The following RAB38 variants were observed in gnomAD, a reference collection of about 807,000 sequenced individuals.
The protein encoded by RAB38 is ras-related protein Rab-38.
A neutral mutation model predicts 18.4 loss-of-function variants in RAB38; 15 were observed. The ratio of observed to expected loss-of-function variants is 0.82; its 90% CI spans 0.55 to 1.26. The LOEUF (loss-of-function observed/expected upper bound fraction) is 1.26. Ranked by LOEUF, RAB38 falls within the 50% of genes most tolerant of loss-of-function variation. The pLI is 0.00. For synonymous variants in RAB38, 101 were observed against 104.4 expected, an observed-to-expected ratio of 0.97 and a Z score of 0.20; for missense variants, 294 against 267.4, an observed-to-expected ratio of 1.10 and a Z score of -0.69.
chr11:87,935,377 T>C, the RAB38 span, among the ~76,000 whole-genome samples: 1 of 152,088 alleles, frequency 6.6e-6, no homozygotes, highest in Non-Finnish European at 1.5e-5. Flanking sequence ...TATTATTTTC[T>C]ATAATTCAAC....
chr11:88,030,801 A>C, the RAB38 span, among the ~76,000 whole-genome samples: 1 of 152,312 alleles, frequency 6.6e-6, no homozygotes, highest in Admixed American at 6.5e-5. Context: ...CCAGAGGTAC[A>C]AGGAGGAACT....
the RAB38 span, among the ~76,000 whole-genome samples, chr11:87,951,735 G>T: frequency 6.6e-6 from 1 of 151,208 alleles, no homozygotes; most frequent in Non-Finnish European, 1.5e-5. Context: ...CGCAAATGCT[G>T]CTCCCTGATT....
chr11:87,976,583 ATT>A, the RAB38 span, among the ~76,000 whole-genome samples: 443 of 107,384 alleles, frequency 4.1e-3, no homozygotes, highest in Non-Finnish European at 6.5e-3. Flanking sequence ...AAATATATAT[ATT>A]TTATATACTG....
the RAB38 span, among the ~76,000 whole-genome samples, chr11:87,976,298 A>C: frequency 7.0e-6 from 1 of 143,704 alleles, no homozygotes. Context: ...ATACATACAC[A>C]CATATATATA....
chr11:87,832,816 C>T, the RAB38 span, among the ~76,000 whole-genome samples: 2 of 152,088 alleles, frequency 1.3e-5, no homozygotes, highest in Admixed American at 6.6e-5. Context: ...AAGTCCCTAA[C>T]CTTAATTCCA....
the RAB38 span, among the ~76,000 whole-genome samples, chr11:87,859,981 G>A: frequency 4.6e-5 from 7 of 152,000 alleles, no homozygotes; most frequent in Admixed American, 2.0e-4. Flanking sequence ...ACCAAACTAT[G>A]TGTCTGTGGT....
chr11:87,971,768 C>T, the RAB38 span, among the ~76,000 whole-genome samples: 1 of 151,998 alleles, frequency 6.6e-6, no homozygotes, highest in African/African-American at 2.4e-5. Flanking sequence ...TTTTAAAGAA[C>T]CACCTTTGAT....
the RAB38 span, among the ~76,000 whole-genome samples, chr11:87,944,444 T>C: frequency 6.6e-6 from 1 of 152,124 alleles, no homozygotes. Context: ...CATGTTGGCA[T>C]CTGTGAAACA....
chr11:87,951,065 C>T, the RAB38 span, among the ~76,000 whole-genome samples: 11 of 152,156 alleles, frequency 7.2e-5, no homozygotes, highest in Admixed American at 7.2e-4. Context: ...TCCAGTATTT[C>T]TTGGAGGCTT....
the RAB38 span, among the ~76,000 whole-genome samples, chr11:88,063,612 A>C: frequency 6.6e-6 from 1 of 152,206 alleles, no homozygotes; most frequent in African/African-American, 2.4e-5. Context: ...CTCATCTTGA[A>C]CTGTAGTAAT....
At chr11:88,092,343 A>G in the RAB38 span, among the ~76,000 whole-genome samples, 79 of 10,642 alleles carry the variant, frequency 7.4e-3, 6 homozygotes, top group South Asian at 7.0e-3. Context: ...AGAGAGAGAG[A>G]GAGGGAGGGA....
chr11:88,011,695 T>G, the RAB38 span, among the ~76,000 whole-genome samples: 1 of 152,182 alleles, frequency 6.6e-6, no homozygotes, highest in Non-Finnish European at 1.5e-5. Context: ...CTAAGTCTTT[T>G]TTATAAATTA....
At chr11:88,027,315 T>C in the RAB38 span, among the ~76,000 whole-genome samples, 1 of 152,202 alleles carries the variant, frequency 6.6e-6, no homozygotes, top group Non-Finnish European at 1.5e-5. Flanking sequence ...GGGTGATTTC[T>C]GCATTTCCAT....
chr11:88,164,925 T>C (rs1452727064), intron 1 of RAB38, among the ~76,000 whole-genome samples: 1 of 152,032 alleles, frequency 6.6e-6, no homozygotes, highest in African/African-American at 2.4e-5. Context: ...CAGCTATTCT[T>C]AGCTTTAATT....
the RAB38 span, among the ~76,000 whole-genome samples, chr11:88,104,567 T>A: frequency 1.3e-5 from 2 of 152,074 alleles, no homozygotes; most frequent in Non-Finnish European, 2.9e-5. Flanking sequence ...TTATAATTTC[T>A]TCATCTCTCA....
the RAB38 span, among the ~76,000 whole-genome samples, chr11:87,821,865 AG>A: frequency 1.3e-5 from 2 of 151,506 alleles, no homozygotes; most frequent in Non-Finnish European, 2.9e-5. Flanking sequence ...AAAAAAAAAA[AG>A]GATAATACAG....
chr11:87,824,403 C>G, the RAB38 span, among the ~76,000 whole-genome samples: 2 of 152,056 alleles, frequency 1.3e-5, no homozygotes, highest in Non-Finnish European at 2.9e-5. Context: ...AATCAATGAT[C>G]AAGAAACCCT....
the RAB38 span, among the ~76,000 whole-genome samples, chr11:87,977,491 A>G: frequency 1.8e-5 from 2 of 111,742 alleles, no homozygotes; most frequent in African/African-American, 7.2e-5. Flanking sequence ...ATTATATATA[A>G]TATAATTTTA....
At chr11:87,856,872 TAA>T in the RAB38 span, among the ~76,000 whole-genome samples, 7 of 150,978 alleles carry the variant, frequency 4.6e-5, no homozygotes, top group South Asian at 2.1e-4. Flanking sequence ...TTCTTTTTTT[TAA>T]AAATTATACT....
Sources: allele counts gnomAD v4.1 joint callset (sites outside exome capture counted in the v4.1 genomes callset), GRCh38; gene constraint gnomAD v4.1.1; transcripts MANE v1.5; gene names NCBI Gene and HGNC (gene_info 2026-07-23, HGNC 2026-07-21).